CLNK: variants seen among roughly 807,000 people sequenced by gnomAD.
CLNK encodes cytokine dependent hematopoietic cell linker, also known as cytokine-dependent hematopoietic cell linker.
Under a neutral mutation model 68.6 loss-of-function variants are expected in CLNK, and 74 were observed. The observed-to-expected ratio is 1.08, with a 90% CI of 0.89 to 1.31. The LOEUF is 1.31. CLNK is among the 50% of genes most tolerant of loss of function. The pLI is 0.00. For synonymous variants in CLNK, 198 were observed against 172.2 expected (o/e 1.15, Z -1.17); for missense variants, 553 against 515.3 (o/e 1.07, Z -0.71).
chr4:10,545,386 G>T lies in CLNK; in HGVS notation c.446-3106C>A, dbSNP rs141329986. Reference sequence around the variant, plus strand: ...CAAGAAAGAAGAATTTGGGTCCTAAGGTTCCAGAATAATTTTTTTTTGATT... The same window carrying T: ...CAAGAAAGAAGAATTTGGGTCCTAATGTTCCAGAATAATTTTTTTTTGATT... On this transcript the variant is annotated intron_variant, in intron 8 of 18. Transcript: ENST00000226951. 2.0e-5 allele frequency among the ~76,000 whole-genome samples: 3 copies of T among 152,312 alleles called. No individual in the cohort carries two copies. In the East Asian group the frequency reaches 5.8e-4, roughly 29 times the overall value.
chr4:10,584,883 T>C (rs756156710), intron 4 of CLNK, 44 bp downstream of exon 4: 4 of 1,602,396 alleles, frequency 2.5e-6, no homozygotes, highest in Middle Eastern at 3.3e-4. Context: ...AACAGACCCA[T>C]GCTGACATTC....
intron 8 of CLNK, among the ~76,000 whole-genome samples, chr4:10,557,359 C>T (rs558753630): frequency 1.3e-5 from 2 of 152,254 alleles, no homozygotes; most frequent in South Asian, 4.2e-4. Context: ...TTAGGTTTAG[C>T]CATTGGGAAG....
intron 18 of CLNK, 82 bp from the exon 19 acceptor site, chr4:10,490,695 T>C: frequency 2.6e-6 from 3 of 1,139,064 alleles, no homozygotes; most frequent in East Asian, 5.2e-5. Flanking sequence ...GTGCTTCATT[T>C]TGCATGGGGA....
intron 18 of CLNK, among the ~76,000 whole-genome samples, chr4:10,493,517 C>T (rs551151481): frequency 4.6e-5 from 7 of 152,236 alleles, no homozygotes; most frequent in South Asian, 4.2e-4. Flanking sequence ...GGGAACGAAT[C>T]TCATCTGTGA....
the CLNK span, among the ~76,000 whole-genome samples, chr4:10,710,908 G>A: frequency 1.3e-5 from 2 of 152,164 alleles, no homozygotes; most frequent in Non-Finnish European, 2.9e-5. Flanking sequence ...TTGTGGAATC[G>A]GATAGGTAGA....
intron 2 of CLNK, among the ~76,000 whole-genome samples, chr4:10,650,304 A>G (rs946116162): frequency 6.6e-6 from 1 of 152,166 alleles, no homozygotes; most frequent in Admixed American, 6.6e-5. Flanking sequence ...AGTTTCAGAA[A>G]AAGATGGGAA....
At chr4:10,534,690 C>T (rs1185498395) in intron 11 of CLNK, among the ~76,000 whole-genome samples, 1 of 152,126 alleles carries the variant, frequency 6.6e-6, no homozygotes, top group African/African-American at 2.4e-5. Flanking sequence ...TTAATGTTCA[C>T]ATTTGCTTTG....
intron 14 of CLNK, among the ~76,000 whole-genome samples, chr4:10,521,694 A>G (rs1333751603): frequency 2.6e-5 from 4 of 152,214 alleles, no homozygotes; most frequent in African/African-American, 9.6e-5. Flanking sequence ...CAAGCAGTTC[A>G]TCCAGCCACC....
At chr4:10,584,549 C>T (rs1435063392) in intron 4 of CLNK, among the ~76,000 whole-genome samples, 1 of 152,198 alleles carries the variant, frequency 6.6e-6, no homozygotes, top group East Asian at 1.9e-4. Flanking sequence ...TCTTTCCACT[C>T]ATGTTTTGGG....
chr4:10,653,872 C>A (rs1202321847), intron 2 of CLNK, among the ~76,000 whole-genome samples: 1 of 152,130 alleles, frequency 6.6e-6, no homozygotes, highest in African/African-American at 2.4e-5. Flanking sequence ...TATTAGTGAA[C>A]AAACACGTAT....
chr4:10,574,051 C>A (rs112995856), intron 4 of CLNK, among the ~76,000 whole-genome samples: 2 of 152,134 alleles, frequency 1.3e-5, no homozygotes, highest in African/African-American at 4.8e-5. Context: ...GTTGTGTGTT[C>A]TTTAGGGAAG....
At chr4:10,602,208 C>T (rs2108848030) in intron 2 of CLNK, among the ~76,000 whole-genome samples, 1 of 152,308 alleles carries the variant, frequency 6.6e-6, no homozygotes, top group South Asian at 2.1e-4. Flanking sequence ...CTAATTTCCC[C>T]TGTGAAAATG....
intron 3 of CLNK, among the ~76,000 whole-genome samples, chr4:10,586,345 T>C (rs1720968169): frequency 6.7e-6 from 1 of 148,346 alleles, no homozygotes; most frequent in Non-Finnish European, 1.5e-5. Flanking sequence ...TCTTTTTTTT[T>C]TTTTTTTTTG....
chr4:10,628,228 C>T (rs1722750341), intron 2 of CLNK, among the ~76,000 whole-genome samples: 2 of 152,150 alleles, frequency 1.3e-5, no homozygotes, highest in South Asian at 2.1e-4. Flanking sequence ...TAATAATCTT[C>T]GAAGGCTTAT....
intron 2 of CLNK, among the ~76,000 whole-genome samples, chr4:10,620,831 G>A (rs1202843413): frequency 6.6e-6 from 1 of 151,960 alleles, no homozygotes; most frequent in Non-Finnish European, 1.5e-5. Context: ...GGCTGGGCGC[G>A]GTGGCTCACA....
intron 2 of CLNK, among the ~76,000 whole-genome samples, chr4:10,639,955 T>G (rs16871181): frequency 1.2e-3 from 181 of 152,180 alleles, no homozygotes; most frequent in Non-Finnish European, 1.8e-3. Flanking sequence ...CAGAGGTGCC[T>G]AATTTCTAAT....
At chr4:10,694,081 C>T in the CLNK span, among the ~76,000 whole-genome samples, 63 of 152,032 alleles carry the variant, frequency 4.1e-4, no homozygotes, top group Admixed American at 1.2e-3. Context: ...GTGGTAGAGG[C>T]GAGGAAACCA....
At position 10,574,964 on chromosome 4, in the gene CLNK, C is replaced by T. The variant is rs139680998; in HGVS notation, c.113-3186G>A. Reference sequence around the variant, plus strand: ...AAGCCCTTGAAAGGGACAGGAATTGCTCACTTGGGGAGCTCGGTTGTTGGA... The same window carrying T: ...AAGCCCTTGAAAGGGACAGGAATTGTTCACTTGGGGAGCTCGGTTGTTGGA... On this transcript the variant is annotated intron_variant, in intron 4 of 18. Transcript: ENST00000226951. 6.4e-3 allele frequency among the ~76,000 whole-genome samples: 972 copies of T among 152,274 alleles called. 8 individuals carry two copies. The highest frequency in any genetic ancestry group is 8.4e-3 in the Non-Finnish European group (572 of 68,026).
intron 1 of CLNK, among the ~76,000 whole-genome samples, chr4:10,672,142 G>A (rs552009572): frequency 2.3e-4 from 35 of 152,338 alleles, no homozygotes; most frequent in Middle Eastern, 3.4e-3. Context: ...AGGGAAGATT[G>A]TGACCCCATA....
Sources: allele counts gnomAD v4.1 joint callset (sites outside exome capture counted in the v4.1 genomes callset), GRCh38; gene constraint gnomAD v4.1.1; transcripts MANE v1.5; gene names NCBI Gene and HGNC (gene_info 2026-07-23, HGNC 2026-07-21).